MLLT1: variants seen among roughly 807,000 people sequenced by gnomAD.
MLLT1 encodes protein ENL.
A neutral mutation model predicts 55.1 loss-of-function variants in MLLT1; 11 were observed. The ratio of observed to expected loss-of-function variants is 0.20; its 90% CI spans 0.13 to 0.33. The LOEUF (loss-of-function observed/expected upper bound fraction) is 0.33, where lower values mean the gene tolerates loss of function less well. Ranked by LOEUF, MLLT1 falls within the 10% of genes least tolerant of loss-of-function variation. The probability of loss-of-function intolerance (pLI) is 1.00; values close to 1 mark genes in which losing one functional copy is unlikely to be tolerated. For missense variants in MLLT1, 536 were observed against 760.6 expected (o/e 0.70, Z 3.47); for synonymous variants, 323 against 320.1 (o/e 1.01, Z -0.10).
At position 6,227,051 on chromosome 19, in the gene MLLT1, AG is replaced by A; in HGVS notation, c.471del (p.Tyr158ThrfsTer40). On this transcript the variant is annotated frameshift_variant, in exon 5 of 12. Coordinates refer to ENST00000252674, the MANE Select transcript of MLLT1 (RefSeq NM_005934.4). LOFTEE classifies it high-confidence loss of function. This position sits in a 1 kb window ranked among gnomAD's most constrained non-coding sequence, Gnocchi z 5.1. ...GADTVSRPSP[D>X]YPMLPTIPLS... ...AGTGGAATTGTGGGTAACATGGGGT[AG>A]TCGGGACTGGGCCTGGACACCGTGT... 6.2e-7 allele frequency: 1 copy of A among 1,607,546 alleles called. No homozygotes were observed. The highest frequency in any genetic ancestry group is 8.5e-7 in the Non-Finnish European group (1 of 1,177,434).
intron 1 of MLLT1, among the ~76,000 whole-genome samples, chr19:6,274,750 C>T (rs1448917022): frequency 6.6e-6 from 1 of 152,204 alleles, no homozygotes. Flanking sequence ...CCAGGACTGT[C>T]CCGGAAAGAG....
intron 1 of MLLT1, among the ~76,000 whole-genome samples, chr19:6,279,410 G>C (rs1236667508): frequency 6.6e-6 from 1 of 152,058 alleles, no homozygotes; most frequent in Non-Finnish European, 1.5e-5. Context: ...GAAGTCCCGA[G>C]AGCTGTCTTG....
chr19:6,231,086 C>T lies in MLLT1; in HGVS notation c.277-373G>A, dbSNP rs1330598749. 6.6e-6 allele frequency among the ~76,000 whole-genome samples: 1 copy of T among 152,212 alleles called. No individual in the cohort carries two copies. The highest frequency in any genetic ancestry group is 6.5e-5 in the Admixed American group (1 of 15,288). ...TGAGACCTGCCCCAGGCCTCTGAGG[C>T]CCACAATCTCACCACCTCTATTCCC... On this transcript the variant is annotated intron_variant, in intron 3 of 11. Transcript: ENST00000252674. The surrounding 1 kb of genome is among the most constrained non-coding windows in gnomAD (Gnocchi z 5.1).
rs556673915 is a variant in MLLT1 at position 6,270,888 on chromosome 19, A to G, written c.13-129T>C. ...ATACGCTCTCAACCCAGTGAGCAGC[A>G]CACAGACGGCTTCCTATCGCGCCAG... On this transcript the variant is annotated intron_variant, in intron 1 of 11. Transcript: ENST00000252674. This position sits in a 1 kb window ranked among gnomAD's most constrained non-coding sequence, Gnocchi z 7.1. The G allele has an allele frequency of 1.2e-6, 1 of 869,422 alleles. No homozygotes were observed. Among genetic ancestry groups the G allele is most frequent in the South Asian group, 1.8e-5 (1 of 54,546 alleles). The allele number at this position is 869,422 out of a possible 1,614,324, so 53.9% of individuals were successfully genotyped here.
chr19:6,214,065 G>A (rs1447259785), intron 8 of MLLT1, 27 bp from the exon 9 acceptor site: 1 of 1,357,654 alleles, frequency 7.4e-7, no homozygotes, highest in Non-Finnish European at 9.6e-7. Context: ...GGGCGCATCA[G>A]GCCCCTGCCG....
rs945064205 is a variant in MLLT1, at chr19:6,235,966, C to A, written c.277-5253G>T. 5.9e-5 allele frequency among the ~76,000 whole-genome samples: 9 copies of A among 152,190 alleles called. No individual in the cohort carries two copies. The highest frequency in any genetic ancestry group is 2.2e-4 in the African/African-American group (9 of 41,450). Reference sequence around the variant, plus strand: ...GCTCTCCTTACAGTCCAAAGCATGTCTGTCTTCTGTCCCAGCATCCCACTG... The same window carrying A: ...GCTCTCCTTACAGTCCAAAGCATGTATGTCTTCTGTCCCAGCATCCCACTG... On this transcript the variant is annotated intron_variant, in intron 3 of 11. Coordinates refer to ENST00000252674, the MANE Select transcript of MLLT1 (RefSeq NM_005934.4). The surrounding 1 kb of genome is among the most constrained non-coding windows in gnomAD (Gnocchi z 5.5).
intron 3 of MLLT1, among the ~76,000 whole-genome samples, chr19:6,246,977 A>G (rs2091174037): frequency 1.3e-5 from 2 of 152,202 alleles, no homozygotes; most frequent in African/African-American, 4.8e-5. Context: ...GTTGATGCTG[A>G]AACTACTTTC....
In MLLT1 at chr19:6,213,970, G is replaced by T; in HGVS notation, c.1376C>A (p.Pro459His). 1 of 1,459,886 alleles carries T rather than the reference G, an allele frequency of 6.8e-7. No individual in the cohort carries two copies. Among genetic ancestry groups the T allele is most frequent in the East Asian group, 2.4e-5 (1 of 40,864 alleles). The allele number at this position is 1,459,886 out of a possible 1,614,324, so 90.4% of individuals were successfully genotyped here. A position where few individuals can be genotyped will look rare whatever the true frequency, so the allele number is the denominator to read the frequency against. ...GTTGGGCGGGGGTGGCTTCTGGGGGGGTGGGGGCTCACGGCTGGGCAGGGA... is the reference window on the plus strand; with the variant it reads ...GTTGGGCGGGGGTGGCTTCTGGGGGTGTGGGGGCTCACGGCTGGGCAGGGA... ...DSSLPSREPP[P>H]PQKPPPPNSK... Residue 459 changes from proline (P) to histidine (H), a missense_variant, in exon 9 of 12, where the codon CCC (proline) becomes CAC (histidine). This residue lies in a region of MLLT1 where 449 missense variants were observed against 489.0 expected (regional missense o/e 0.92). Coordinates refer to ENST00000252674, the MANE Select transcript of MLLT1 (RefSeq NM_005934.4).
intron 1 of MLLT1, among the ~76,000 whole-genome samples, chr19:6,277,092 G>T (rs938980863): frequency 6.6e-6 from 1 of 152,204 alleles, no homozygotes; most frequent in African/African-American, 2.4e-5. Flanking sequence ...GGTTCTGCTC[G>T]ATTCAAAGCA....
intron 5 of MLLT1, among the ~76,000 whole-genome samples, chr19:6,223,872 G>A (rs2090928983): frequency 6.6e-6 from 1 of 152,178 alleles, no homozygotes; most frequent in Admixed American, 6.5e-5. Flanking sequence ...GCTAGGAAAG[G>A]AGCAGCGGCC....
chr19:6,233,906 A>AGGGGC (rs3837998), intron 3 of MLLT1, among the ~76,000 whole-genome samples: 7,634 of 152,272 alleles, frequency 0.05, 284 homozygotes, highest in East Asian at 0.15. Context: ...CACTTGTCCC[A>AGGGGC]GTGGGTCCCT....
At position 6,273,404 on chromosome 19, in the gene MLLT1, C is replaced by T. The variant is rs865821578; in HGVS notation, c.13-2645G>A. Among the ~76,000 whole-genome samples the T allele has an allele frequency of 2.6e-5, 4 of 152,112 alleles. No individual in the cohort carries two copies. The highest frequency in any genetic ancestry group is 6.5e-5 in the Admixed American group (1 of 15,282). On this transcript the variant is annotated intron_variant, in intron 1 of 11. Transcript: ENST00000252674. The surrounding 1 kb of genome is among the most constrained non-coding windows in gnomAD (Gnocchi z 4.3). Reference sequence around the variant, plus strand: ...AGTGTGGGAAGAAAGTGGGGATGGACGGAAGATCAGGCGCACTCATAAACC... The same window carrying T: ...AGTGTGGGAAGAAAGTGGGGATGGATGGAAGATCAGGCGCACTCATAAACC...
At chr19:6,223,967 G>C (rs555073077) in intron 5 of MLLT1, among the ~76,000 whole-genome samples, 1 of 152,278 alleles carries the variant, frequency 6.6e-6, no homozygotes, top group African/African-American at 2.4e-5. Context: ...GCCAGATCCC[G>C]AAGGCCCTGG....
intron 3 of MLLT1, among the ~76,000 whole-genome samples, chr19:6,252,703 A>G (rs2091226946): frequency 6.6e-6 from 1 of 152,240 alleles, no homozygotes; most frequent in Admixed American, 6.5e-5. Flanking sequence ...CAAAGCTAAC[A>G]GAAGGAAAAG....
At chr19:6,214,164 T>A in intron 8 of MLLT1, 126 bp from the exon 9 acceptor site, 1 of 476,206 alleles carries the variant, frequency 2.1e-6, no homozygotes, top group South Asian at 5.6e-5. Context: ...ACAGCTCCAT[T>A]CACCTCTGCG....
In MLLT1 at chr19:6,226,142, TG is replaced by T. The variant is rs1353793849; in HGVS notation, c.546+834del. Among the ~76,000 whole-genome samples, 3 of 152,162 alleles carry T rather than the reference TG, an allele frequency of 2.0e-5. No homozygotes were observed. The highest frequency in any genetic ancestry group is 3.2e-3 in the Middle Eastern group (1 of 316). On this transcript the variant is annotated intron_variant, in intron 5 of 11. Coordinates refer to ENST00000252674, the MANE Select transcript of MLLT1 (RefSeq NM_005934.4). This position sits in a 1 kb window ranked among gnomAD's most constrained non-coding sequence, Gnocchi z 6.3. ...CCCTGCCTGTCCTGCCTGGGATGGC[TG>T]GGCCCACACGCAGGGCCTGGCAGAC...
chr19:6,252,871 T>C (rs1254515281), intron 3 of MLLT1, among the ~76,000 whole-genome samples: 1 of 152,124 alleles, frequency 6.6e-6, no homozygotes, highest in Non-Finnish European at 1.5e-5. Context: ...CTACCAATCT[T>C]ATAGAAATTA....
rs200816706 is a variant in MLLT1, at chr19:6,256,220, GATAAATAA to G, written c.276+6000_276+6007del. On this transcript the variant is annotated intron_variant, in intron 3 of 11. Coordinates refer to ENST00000252674, the MANE Select transcript of MLLT1 (RefSeq NM_005934.4). The surrounding 1 kb of genome is among the most constrained non-coding windows in gnomAD (Gnocchi z 4.1). ...CAAGAGCGAAACTCTGTCTCAAAAA[GATAAATAA>G]ATAAATAAATAAATAAATAAATAAA... Among the ~76,000 whole-genome samples, 77 of 142,048 alleles carry G rather than the reference GATAAATAA, an allele frequency of 5.4e-4. 1 individual carries two copies. Among genetic ancestry groups the G allele is most frequent in the Admixed American group, 1.7e-3 (24 of 14,432 alleles). The allele number at this position is 142,048 out of a possible 152,430, so 93.2% of individuals were successfully genotyped here.
At position 6,256,480 on chromosome 19, in the gene MLLT1, C is replaced by A. The variant is rs1301408008; in HGVS notation, c.276+5748G>T. On this transcript the variant is annotated intron_variant, in intron 3 of 11. Transcript: ENST00000252674. The surrounding 1 kb of genome is among the most constrained non-coding windows in gnomAD (Gnocchi z 4.1). ...ACAAAAAAAGAAAAAAAAGGCGGGGCACGGTGGCTCACGCCTGTAATCTCA... is the reference window on the plus strand; with the variant it reads ...ACAAAAAAAGAAAAAAAAGGCGGGGAACGGTGGCTCACGCCTGTAATCTCA... 6.6e-6 allele frequency among the ~76,000 whole-genome samples: 1 copy of A among 151,468 alleles called. No individual in the cohort carries two copies. The highest frequency in any genetic ancestry group is 6.6e-5 in the Admixed American group (1 of 15,208).
Sources: gnomAD v4.1 joint callset for allele counts (sites outside exome capture counted in the v4.1 genomes callset) on GRCh38, gnomAD v4.1.1 for gene constraint, gnomAD v4.1.1 regional missense constraint, Gnocchi (gnomAD v3.1) non-coding constraint, MANE v1.5 for transcripts, NCBI Gene and HGNC (gene_info 2026-07-23, HGNC 2026-07-21) for gene names.